The following BTBD9 variants were observed in gnomAD, a reference collection of about 807,000 sequenced individuals.
BTBD9 encodes the protein BTB/POZ domain-containing protein 9.
BTBD9 carries 49 observed loss-of-function variants against 64.3 expected under a neutral mutation model. That is an observed-to-expected ratio of 0.76 (90% CI 0.61 to 0.97). The LOEUF (loss-of-function observed/expected upper bound fraction) is 0.97. BTBD9 is among the 50% of genes least tolerant of loss of function. The probability of loss-of-function intolerance (pLI) is 0.00; values close to 1 mark genes in which losing one functional copy is unlikely to be tolerated. For missense variants in BTBD9, 598 were observed against 762.1 expected, an observed-to-expected ratio of 0.78 and a Z score of 2.53; for synonymous variants, 260 against 274.7, an observed-to-expected ratio of 0.95 and a Z score of 0.53.
intron 9 of BTBD9, among the ~76,000 whole-genome samples, chr6:38,201,806 C>T (rs1333407768): frequency 6.6e-6 from 1 of 152,088 alleles, no homozygotes; most frequent in African/African-American, 2.4e-5. Context: ...AATGAACTAG[C>T]TAAGAAAGAA....
At chr6:38,393,426 A>G (rs947111062) in intron 6 of BTBD9, among the ~76,000 whole-genome samples, 1 of 152,138 alleles carries the variant, frequency 6.6e-6, no homozygotes, top group Non-Finnish European at 1.5e-5. Flanking sequence ...CCACAATAGT[A>G]GGTCAATTTT....
At chr6:38,220,882 GTCTAGGCT>G (rs1582070722) in intron 9 of BTBD9, among the ~76,000 whole-genome samples, 1 of 152,210 alleles carries the variant, frequency 6.6e-6, no homozygotes, top group East Asian at 1.9e-4. Flanking sequence ...ATGCATGTGA[GTCTAGGCT>G]TGGGGATGCT....
chr6:38,349,839 G>A (rs9369052), intron 6 of BTBD9, among the ~76,000 whole-genome samples: 9,189 of 152,096 alleles, frequency 0.06, 741 homozygotes, highest in East Asian at 0.37. Flanking sequence ...TGGGGTCTAT[G>A]GGCCATAGAA....
intron 10 of BTBD9, among the ~76,000 whole-genome samples, chr6:38,190,538 T>C (rs1022130054): frequency 4.8e-5 from 7 of 146,812 alleles, no homozygotes; most frequent in African/African-American, 1.7e-4. Flanking sequence ...TTTCCCCTGA[T>C]CAATAACTGA....
At chr6:38,211,415 C>T (rs944649079) in intron 9 of BTBD9, among the ~76,000 whole-genome samples, 2 of 141,634 alleles carry the variant, frequency 1.4e-5, no homozygotes, top group Non-Finnish European at 3.0e-5. Context: ...GGCAAAAGAG[C>T]GAGACTCCGT....
chr6:38,314,803 A>C (rs1762973453), intron 7 of BTBD9, among the ~76,000 whole-genome samples: 1 of 152,066 alleles, frequency 6.6e-6, no homozygotes, highest in African/African-American at 2.4e-5. Context: ...TGATCCTTTA[A>C]ATTTCTGCAG....
At chr6:38,561,355 T>A (rs1255564171) in intron 6 of BTBD9, among the ~76,000 whole-genome samples, 5 of 152,170 alleles carry the variant, frequency 3.3e-5, no homozygotes. Flanking sequence ...TTGATGGGAA[T>A]GTAAATTAGT....
chr6:38,234,612 A>G (rs1158105100), intron 9 of BTBD9, among the ~76,000 whole-genome samples: 1 of 152,234 alleles, frequency 6.6e-6, no homozygotes, highest in Non-Finnish European at 1.5e-5. Context: ...AAATAACAAT[A>G]AACGGTATTA....
intron 6 of BTBD9, among the ~76,000 whole-genome samples, chr6:38,542,746 T>C (rs1276012402): frequency 2.0e-5 from 3 of 152,232 alleles, no homozygotes; most frequent in African/African-American, 7.2e-5. Context: ...TGGGCGGGAC[T>C]CAGGAGAGGC....
rs763902903 is a variant in BTBD9 at position 38,256,534 on chromosome 6, CA to C, written c.1455-19del. On this transcript the variant is annotated intron_variant, in intron 8 of 10. Coordinates refer to ENST00000481247, the MANE Select transcript of BTBD9 (RefSeq NM_001099272.2). Reference sequence around the variant, plus strand: ...GTAGTAACCTGAACAAAGGGAAAAACATAAGATTGCTGTAAATGTTTTAACT... The same window carrying C: ...GTAGTAACCTGAACAAAGGGAAAAACTAAGATTGCTGTAAATGTTTTAACT... 3.4e-5 allele frequency: 53 copies of C among 1,541,436 alleles called. No homozygotes were observed. The highest frequency in any genetic ancestry group is 4.8e-5 in the Non-Finnish European group (53 of 1,115,014).
At chr6:38,553,049 C>T (rs925383274) in intron 6 of BTBD9, among the ~76,000 whole-genome samples, 2 of 152,170 alleles carry the variant, frequency 1.3e-5, no homozygotes, top group African/African-American at 4.8e-5. Context: ...TTTAAATCAC[C>T]TCTAGATTAC....
At position 38,608,384 on chromosome 6, in the gene BTBD9, T is replaced by C. The variant is rs138734705; in HGVS notation, c.-27-10263A>G. ...TCATGATGAGCGCAGAGGTTATTAG[T>C]TGTAATAATATTTGAGAATACAAGA... On this transcript the variant is annotated intron_variant, in intron 1 of 10. Transcript: ENST00000481247. Among the ~76,000 whole-genome samples the C allele has an allele frequency of 6.0e-3, 921 of 152,318 alleles. 6 individuals carry two copies. The highest frequency in any genetic ancestry group is 7.0e-3 in the Non-Finnish European group (475 of 68,018).
In BTBD9 at chr6:38,287,143, CAT is replaced by C. The variant is rs1254651661; in HGVS notation, c.1454+1127_1454+1128del. On this transcript the variant is annotated intron_variant, in intron 8 of 10. Transcript: ENST00000481247. ...ACACACACACACACACACACACACA[CAT>C]ATAGCAGCCTAAATGTACAATGTTT... is the stretch of plus-strand genomic sequence containing the variant. Among the ~76,000 whole-genome samples the C allele has an allele frequency of 2.1e-3, 248 of 118,164 alleles. 2 individuals carry two copies. Among genetic ancestry groups the C allele is most frequent in the African/African-American group, 7.4e-3 (234 of 31,720 alleles). 77.5% of individuals were successfully genotyped at this position (118,164 alleles called of 152,430 possible).
intron 10 of BTBD9, among the ~76,000 whole-genome samples, chr6:38,189,637 C>T (rs567631134): frequency 1.7e-4 from 26 of 151,820 alleles, no homozygotes; most frequent in Non-Finnish European, 2.9e-4. Context: ...ACTATAGGTG[C>T]ACACCACCGT....
chr6:38,607,776 A>AC (rs1397647318), intron 1 of BTBD9, among the ~76,000 whole-genome samples: 1 of 151,888 alleles, frequency 6.6e-6, no homozygotes, highest in Non-Finnish European at 1.5e-5. Flanking sequence ...AGGCAAAAAA[A>AC]AAAAGGCTCA....
At chr6:38,577,476 A>G (rs1776096840) in intron 6 of BTBD9, 124 bp downstream of exon 6, 1 of 912,800 alleles carries the variant, frequency 1.1e-6, no homozygotes, top group Admixed American at 2.7e-5. Context: ...TTTACTTGGG[A>G]TATGTTTAGT....
intron 6 of BTBD9, among the ~76,000 whole-genome samples, chr6:38,535,059 T>C (rs1773963383): frequency 6.6e-6 from 1 of 152,056 alleles, no homozygotes; most frequent in South Asian, 2.1e-4. Context: ...GCATCCAATT[T>C]GGAAATGAAG....
chr6:38,311,888 G>A (rs553186187), intron 7 of BTBD9, among the ~76,000 whole-genome samples: 2 of 151,756 alleles, frequency 1.3e-5, no homozygotes, highest in East Asian at 3.9e-4. Flanking sequence ...TTGAGACTGA[G>A]TCTTACTCTG....
chr6:38,399,998 G>C (rs1458190378), intron 6 of BTBD9, among the ~76,000 whole-genome samples: 1 of 151,734 alleles, frequency 6.6e-6, no homozygotes, highest in Admixed American at 6.6e-5. Context: ...CTGACCTCAG[G>C]TGATCCGCCC....
Sources: allele counts gnomAD v4.1 joint callset (sites outside exome capture counted in the v4.1 genomes callset), GRCh38; gene constraint gnomAD v4.1.1; transcripts MANE v1.5; gene names NCBI Gene and HGNC (gene_info 2026-07-23, HGNC 2026-07-21).